The following CEP72 variants were observed in gnomAD, a reference collection of about 807,000 sequenced individuals.
The protein encoded by CEP72 is centrosomal protein of 72 kDa.
CEP72 carries 78 observed loss-of-function variants against 65.7 expected under a neutral mutation model. That is an observed-to-expected ratio of 1.19 (90% CI 0.99 to 1.43). CEP72 has a LOEUF of 1.43. Among genes scored for constraint, CEP72 ranks in the 40% most tolerant of loss-of-function variants. The pLI is 0.00. For missense variants in CEP72, 914 were observed against 832.9 expected (o/e 1.10, Z -1.20); for synonymous variants, 358 against 351.7 (o/e 1.02, Z -0.20).
chr5:642,999 G>A lies in CEP72; in HGVS notation c.1540-1300G>A, dbSNP rs1167198745. Reference sequence around the variant, plus strand: ...ACGGCCTCTGAGGCAGATGGGCTGCGCCCAGCTTGGGTGCAGTCGGTCCTC... The same window carrying A: ...ACGGCCTCTGAGGCAGATGGGCTGCACCCAGCTTGGGTGCAGTCGGTCCTC... On this transcript the variant is annotated intron_variant, in intron 9 of 11. Coordinates refer to ENST00000264935, the MANE Select transcript of CEP72 (RefSeq NM_018140.4). 9.1e-6 allele frequency: 9 copies of A among 985,338 alleles called. No individual in the cohort carries two copies. In the South Asian group the frequency reaches 1.4e-4, roughly 15 times the overall value. 61.0% of individuals were successfully genotyped at this position (985,338 alleles called of 1,614,324 possible).
intron 4 of CEP72, among the ~76,000 whole-genome samples, chr5:666,285 A>G (rs982299276): frequency 6.6e-6 from 1 of 152,168 alleles, no homozygotes; most frequent in Non-Finnish European, 1.5e-5. Context: ...CTGTCTTGGA[A>G]GAAAGCTTGG....
In CEP72 at chr5:612,389, C is replaced by G. The variant is rs981246490; in HGVS notation, c.28C>G (p.Leu10Val). 2.0e-6 allele frequency: 3 copies of G among 1,491,344 alleles called. No individual in the cohort carries two copies. In the African/African-American group the frequency reaches 4.4e-5, roughly 22 times the overall value. 92.4% of individuals were successfully genotyped at this position (1,491,344 alleles called of 1,614,324 possible). Residue 10 changes from leucine to valine, a missense_variant, in exon 1 of 12, where the codon CTG becomes GTG. By Grantham distance (32) the Leu-to-Val change is conservative. Transcript: ENST00000264935. MARAGPRLV[L>V]SEEAVRAKSG... ...GGCGCGGGCTGGCCCTCGGCTGGTGCTGAGCGAGGAGGCGGTTCGGGCGAA... is the reference window on the plus strand; with the variant it reads ...GGCGCGGGCTGGCCCTCGGCTGGTGGTGAGCGAGGAGGCGGTTCGGGCGAA...
At position 650,215 on chromosome 5, in the gene CEP72, TGACTGTGAGGCGTG is replaced by T. The variant is rs1344842962; in HGVS notation, c.1778+2324_1778+2337del. Among the ~76,000 whole-genome samples, 64 of 100,278 alleles carry T rather than the reference TGACTGTGAGGCGTG, an allele frequency of 6.4e-4. 1 individual carries two copies. The highest frequency in any genetic ancestry group is 7.6e-4 in the Non-Finnish European group (38 of 50,076). 65.8% of individuals were successfully genotyped at this position (100,278 alleles called of 152,430 possible). A position where few individuals can be genotyped will look rare whatever the true frequency, so the allele number is the denominator to read the frequency against. Reference sequence around the variant, plus strand: ...ACTGTGAGGCGTGGACTGTGAGGTGTGACTGTGAGGCGTGGACTGTGAGGCGTGGACTGTGAGGT... The same window carrying T: ...ACTGTGAGGCGTGGACTGTGAGGTGTGACTGTGAGGCGTGGACTGTGAGGT... On this transcript the variant is annotated intron_variant, in intron 11 of 11. Transcript: ENST00000264935.
chr5:647,710 C>G, intron 10 of CEP72, 95 bp from the exon 11 acceptor site: 1 of 820,090 alleles, frequency 1.2e-6, no homozygotes, highest in African/African-American at 1.7e-5. Context: ...TTCTGGTAAC[C>G]AAGATCCAGT....
At chr5:671,479 C>T (rs1367056312), downstream of CEP72, among the ~76,000 whole-genome samples, 1 of 152,222 alleles carries the variant, frequency 6.6e-6, no homozygotes, top group Admixed American at 6.5e-5. Flanking sequence ...GTTTGGAGAT[C>T]ACCTTCTCAA....
intron 9 of CEP72, chr5:641,861 C>T (rs1362559078): frequency 1.4e-5 from 13 of 959,312 alleles, no homozygotes; most frequent in African/African-American, 1.0e-4. Context: ...GTCCCCCGTC[C>T]AGAAGCCTGT....
intron 3 of CEP72, 63 bp downstream of exon 3, chr5:620,324 C>G: frequency 1.4e-6 from 2 of 1,400,850 alleles, no homozygotes; most frequent in Admixed American, 3.5e-5. Context: ...GTCGGGGAGT[C>G]GTAGTGGGTG....
chr5:646,774 G>T (rs1398701153), intron 10 of CEP72, among the ~76,000 whole-genome samples: 1 of 152,208 alleles, frequency 6.6e-6, no homozygotes, highest in Non-Finnish European at 1.5e-5. Flanking sequence ...GACACTTGGG[G>T]GCTGTCCCGT....
chr5:621,634 C>T (rs943170203), intron 3 of CEP72, among the ~76,000 whole-genome samples: 1 of 152,222 alleles, frequency 6.6e-6, no homozygotes, highest in African/African-American at 2.4e-5. Context: ...AGCACCTAAG[C>T]GCCTCAGCGA....
the CEP72 span, chr5:676,121 G>GT: frequency 6.6e-6 from 1 of 152,252 alleles, no homozygotes; most frequent in African/African-American, 2.4e-5. Flanking sequence ...GCAGTCAGCT[G>GT]GAGAGAGGGT....
chr5:674,806 C>T, the CEP72 span, among the ~76,000 whole-genome samples: 106,284 of 151,408 alleles, frequency 0.7, 38,762 homozygotes, highest in African/African-American at 0.92. Context: ...GCTGGTCTGT[C>T]CTCCAGGCAG....
At chr5:637,925 C>A in intron 7 of CEP72, 107 bp downstream of exon 7, 1 of 1,095,276 alleles carries the variant, frequency 9.1e-7, no homozygotes, top group Non-Finnish European at 1.3e-6. Context: ...TGACTGTGTC[C>A]CTCCCTGATG....
In CEP72 at chr5:637,518, C is replaced by T; in HGVS notation, c.906C>T (p.Asp302=). Residue 302 remains aspartate (D), a splice_region_variant and synonymous_variant, in exon 7 of 12, where the codon GAC becomes GAT. Coordinates refer to ENST00000264935, the MANE Select transcript of CEP72 (RefSeq NM_018140.4). ...CGCCCCATCCTCTCTATATCTCAGA[C>T]TCCATGGATACCGAGGACTCGGCCT... ...RPHTYFTPHP[D]SMDTEDSASS... is the part of the protein sequence containing the mutation. The T allele has an allele frequency of 1.9e-5, 31 of 1,611,676 alleles. No individual in the cohort carries two copies. The highest frequency in any genetic ancestry group is 2.6e-5 in the Non-Finnish European group (31 of 1,178,486).
intron 11 of CEP72, among the ~76,000 whole-genome samples, chr5:652,541 G>T (rs1044843251): frequency 8.5e-5 from 13 of 152,302 alleles, no homozygotes; most frequent in African/African-American, 3.1e-4. Context: ...TAAAGACTAG[G>T]ACTCTTCTAT....
At chr5:646,695 C>T (rs2126809244) in intron 10 of CEP72, among the ~76,000 whole-genome samples, 1 of 152,358 alleles carries the variant, frequency 6.6e-6, no homozygotes, top group East Asian at 1.9e-4. Flanking sequence ...GGCCCCTGGC[C>T]TCACCCTCAT....
At chr5:652,550 A>G (rs1561067346) in intron 11 of CEP72, among the ~76,000 whole-genome samples, 2 of 152,246 alleles carry the variant, frequency 1.3e-5, no homozygotes, top group South Asian at 4.1e-4. Context: ...GGACTCTTCT[A>G]TTGCACTATT....
chr5:663,308 G>A (rs1280200896), intron 1 of CEP72: 1 of 152,430 alleles, frequency 6.6e-6, no homozygotes, highest in Non-Finnish European at 1.5e-5. Flanking sequence ...GTTCAGCGGG[G>A]GCACAGGGCT....
chr5:673,712 C>T, the CEP72 span, among the ~76,000 whole-genome samples: 1 of 152,224 alleles, frequency 6.6e-6, no homozygotes, highest in Admixed American at 6.5e-5. Flanking sequence ...GGTCCCCGGC[C>T]CCACACTGGG....
chr5:660,689 C>T (rs7434), downstream of CEP72: 20,342 of 152,394 alleles, frequency 0.13, 1,746 homozygotes, highest in Admixed American at 0.19. Flanking sequence ...CCCCACTCCA[C>T]TTGTACAGCA....
Sources: gnomAD v4.1 joint callset for allele counts (sites outside exome capture counted in the v4.1 genomes callset) on GRCh38, gnomAD v4.1.1 for gene constraint, MANE v1.5 for transcripts, NCBI Gene and HGNC (gene_info 2026-07-23, HGNC 2026-07-21) for gene names.